The following PPP1R12B variants were observed in gnomAD, a reference collection of about 807,000 sequenced individuals.
The protein encoded by PPP1R12B is protein phosphatase 1 regulatory subunit 12B, also known as myosin phosphatase target subunit 2.
Under a neutral mutation model 126.1 loss-of-function variants are expected in PPP1R12B, and 76 were observed. The observed-to-expected ratio is 0.60, with a 90% CI of 0.50 to 0.73. The LOEUF (loss-of-function observed/expected upper bound fraction) is 0.73, where lower values mean the gene tolerates loss of function less well. Ranked by LOEUF, PPP1R12B falls within the 30% of genes least tolerant of loss-of-function variation. The probability of loss-of-function intolerance (pLI) is 0.00; values close to 1 mark genes in which losing one functional copy is unlikely to be tolerated. For missense variants in PPP1R12B, 1,052 were observed against 1,205.1 expected (o/e 0.87, Z 1.88); for synonymous variants, 356 against 434.7 (o/e 0.82, Z 2.25).
chr1:202,492,412 T>G, intron 14 of PPP1R12B, among the ~76,000 whole-genome samples: 1 of 152,204 alleles, frequency 6.6e-6, no homozygotes, highest in East Asian at 1.9e-4. Context: ...GCTTTGGAAC[T>G]TCCTTCTTCT....
At position 202,392,297 on chromosome 1, in the gene PPP1R12B, A is replaced by G. The variant is rs562564962; in HGVS notation, c.292-24490A>G. ...TACAATGGAATATTATTTAGCCATA[A>G]AAAGGAATGAAATACTGATTCATGC... On this transcript the variant is annotated intron_variant, in intron 1 of 23. Transcript: ENST00000608999. Among the ~76,000 whole-genome samples, 4 of 152,324 alleles carry G rather than the reference A, an allele frequency of 2.6e-5. No individual in the cohort carries two copies. The South Asian group carries it at 6.2e-4, about 24-fold the overall frequency.
chr1:202,433,459 A>G (rs112667025), intron 8 of PPP1R12B, among the ~76,000 whole-genome samples: 2 of 152,096 alleles, frequency 1.3e-5, no homozygotes, highest in African/African-American at 4.8e-5. Context: ...CACCTCCCTC[A>G]CTCTATCTTT....
At chr1:202,405,827 G>A (rs1322557433) in intron 1 of PPP1R12B, among the ~76,000 whole-genome samples, 2 of 152,200 alleles carry the variant, frequency 1.3e-5, no homozygotes, top group Admixed American at 1.3e-4. Flanking sequence ...TACTCTACCT[G>A]TGGGAGGACA....
intron 6 of PPP1R12B, among the ~76,000 whole-genome samples, chr1:202,429,346 A>G (rs1404168359): frequency 1.3e-5 from 2 of 152,232 alleles, no homozygotes; most frequent in South Asian, 2.1e-4. Context: ...AGAGAAGAAT[A>G]TATTTCTTAA....
chr1:202,464,325 A>G lies in PPP1R12B; in HGVS notation c.1850+15154A>G, dbSNP rs1572144213. 3.9e-5 allele frequency among the ~76,000 whole-genome samples: 6 copies of G among 152,288 alleles called. No homozygotes were observed. The South Asian group carries it at 1.2e-3, about 32-fold the overall frequency. On this transcript the variant is annotated intron_variant, in intron 13 of 23. Coordinates refer to ENST00000608999, the MANE Select transcript of PPP1R12B (RefSeq NM_002481.4). The stretch of plus-strand genomic sequence containing the variant: ...GTTTATTGAATAAAATTATTTCTCA[A>G]ATGAAAATAAGCCCATGTGTAGTGA...
At chr1:202,415,963 G>T (rs1282525172) in intron 1 of PPP1R12B, among the ~76,000 whole-genome samples, 4 of 152,126 alleles carry the variant, frequency 2.6e-5, no homozygotes, top group East Asian at 1.9e-4. Context: ...ATGAAGGAAT[G>T]AATTTTTTTA....
intron 18 of PPP1R12B, among the ~76,000 whole-genome samples, chr1:202,546,104 C>G (rs1164108369): frequency 6.6e-6 from 1 of 152,226 alleles, no homozygotes; most frequent in African/African-American, 2.4e-5. Context: ...GATCAGGTCA[C>G]TGGCCTTTGA....
At chr1:202,417,021 C>T in intron 2 of PPP1R12B, 104 bp downstream of exon 2, 2 of 1,267,476 alleles carry the variant, frequency 1.6e-6, no homozygotes, top group Non-Finnish European at 2.1e-6. Flanking sequence ...TATAATCTCT[C>T]TTTATTACAG....
intron 1 of PPP1R12B, among the ~76,000 whole-genome samples, chr1:202,384,578 A>C (rs897465869): frequency 1.3e-5 from 2 of 152,218 alleles, no homozygotes; most frequent in Non-Finnish European, 2.9e-5. Context: ...GTGATTGCTA[A>C]TGGAACAGGG....
intron 1 of PPP1R12B, among the ~76,000 whole-genome samples, chr1:202,402,207 T>G (rs1345202099): frequency 6.6e-6 from 1 of 152,200 alleles, no homozygotes; most frequent in Non-Finnish European, 1.5e-5. Flanking sequence ...GAACATGAGG[T>G]TTCTACCTTT....
At chr1:202,440,094 T>A (rs1671415104) in intron 10 of PPP1R12B, 2 of 153,542 alleles carry the variant, frequency 1.3e-5, no homozygotes. Flanking sequence ...ACTTCACACA[T>A]AGTTTGTGTA....
At chr1:202,371,602 ATATAT>A (rs779602704) in intron 1 of PPP1R12B, among the ~76,000 whole-genome samples, 16 of 152,026 alleles carry the variant, frequency 1.1e-4, no homozygotes, top group Non-Finnish European at 2.1e-4. Flanking sequence ...GGTCAGATAA[ATATAT>A]TATAGATATT....
intron 14 of PPP1R12B, among the ~76,000 whole-genome samples, chr1:202,492,068 T>G (rs1473916782): frequency 2.0e-5 from 3 of 152,216 alleles, no homozygotes; most frequent in Non-Finnish European, 2.9e-5. Flanking sequence ...TTGTACAAGA[T>G]CCCTCTATCT....
intron 13 of PPP1R12B, among the ~76,000 whole-genome samples, chr1:202,463,836 C>T (rs536835691): frequency 1.3e-5 from 2 of 152,162 alleles, no homozygotes; most frequent in African/African-American, 4.8e-5. Flanking sequence ...AGAGCACTCA[C>T]CAAACTCTGA....
rs181884533 is a variant in PPP1R12B, at chr1:202,477,190, G to A, written c.1851-11343G>A. On this transcript the variant is annotated intron_variant, in intron 13 of 23. Coordinates refer to ENST00000608999, the MANE Select transcript of PPP1R12B (RefSeq NM_002481.4). ...TAATGTAGTAGTAAGAGTGTTGGTCGTGATGATAGTAGTTCTGGTCATGGT... is the reference window on the plus strand; with the variant it reads ...TAATGTAGTAGTAAGAGTGTTGGTCATGATGATAGTAGTTCTGGTCATGGT... Among the ~76,000 whole-genome samples, 291 of 152,248 alleles carry A rather than the reference G, an allele frequency of 1.9e-3. 2 individuals carry two copies. Among genetic ancestry groups the A allele is most frequent in the African/African-American group, 6.7e-3 (277 of 41,536 alleles).
intron 23 of PPP1R12B, among the ~76,000 whole-genome samples, chr1:202,570,072 C>G (rs1688452579): frequency 2.0e-5 from 3 of 152,140 alleles, no homozygotes; most frequent in Admixed American, 2.0e-4. Context: ...GACACATGCC[C>G]ATAATCACTT....
chr1:202,449,550 A>C (rs1672675619), intron 13 of PPP1R12B, among the ~76,000 whole-genome samples: 1 of 151,932 alleles, frequency 6.6e-6, no homozygotes, highest in Non-Finnish European at 1.5e-5. Context: ...TGCTGGGATT[A>C]CAGGCCTGAG....
rs1312738117 is a variant in PPP1R12B, at chr1:202,567,835, T to C, written c.2811+4T>C. 6.2e-7 allele frequency: 1 copy of C among 1,613,800 alleles called. No homozygotes were observed. The highest frequency in any genetic ancestry group is 8.5e-7 in the Non-Finnish European group (1 of 1,179,746). ...AGTGCTGGAGATGGAGAAACGGGTA[T>C]GCGCATGTCTGTTTCCCCCTCCACC... On this transcript the variant is annotated splice_donor_region_variant and intron_variant, in intron 22 of 23. Transcript: ENST00000608999.
intron 10 of PPP1R12B, chr1:202,439,084 CA>C: frequency 6.9e-7 from 1 of 1,455,082 alleles, no homozygotes; most frequent in East Asian, 2.3e-5. Flanking sequence ...TCAAGACCAT[CA>C]CCTCCAGCGC....
Sources: gnomAD v4.1 joint callset for allele counts (sites outside exome capture counted in the v4.1 genomes callset) on GRCh38, gnomAD v4.1.1 for gene constraint, MANE v1.5 for transcripts, NCBI Gene and HGNC (gene_info 2026-07-23, HGNC 2026-07-21) for gene names.